OR6P1: variants seen among roughly 807,000 people sequenced by gnomAD.
OR6P1 encodes the protein olfactory receptor family 6 subfamily P member 1.
OR6P1 carries 5 observed loss-of-function variants against 6.6 expected under a neutral mutation model. That is an observed-to-expected ratio of 0.76 (90% CI 0.40 to 1.60). The LOEUF (loss-of-function observed/expected upper bound fraction) is 1.60, where lower values mean the gene tolerates loss of function less well. Among genes scored for constraint, OR6P1 ranks in the 40% most tolerant of loss-of-function variants. OR6P1 has a pLI of 0.02. For synonymous variants in OR6P1, 177 were observed against 149.6 expected (o/e 1.18, Z -1.33); for missense variants, 451 against 383.0 (o/e 1.18, Z -1.48).
intron 1 of OR6P1, among the ~76,000 whole-genome samples, chr1:158,569,493 C>T (rs1461729063): frequency 6.6e-6 from 1 of 152,172 alleles, no homozygotes; most frequent in Admixed American, 6.5e-5. Context: ...CCTTGAATTC[C>T]TCATTTATCA....
rs1647976694 is a variant in OR6P1 at position 158,562,468 on chromosome 1, G to A, written c.*183C>T. 5.2e-6 allele frequency: 3 copies of A among 572,784 alleles called. No homozygotes were observed. In the East Asian group the frequency reaches 8.8e-5, roughly 17 times the overall value. The allele number at this position is 572,784 out of a possible 1,614,324, so 35.5% of individuals were successfully genotyped here. A position where few individuals can be genotyped will look rare whatever the true frequency, so the allele number is the denominator to read the frequency against. On this transcript the variant is annotated 3_prime_UTR_variant, in exon 3 of 3. Transcript: ENST00000641540. Reference sequence around the variant, plus strand: ...TTCTTCTGTAGCTAGTCCAACCTTAGTTTGAAAACCCCTGTAAAAAATAAA... The same window carrying A: ...TTCTTCTGTAGCTAGTCCAACCTTAATTTGAAAACCCCTGTAAAAAATAAA...
At chr1:158,568,433 G>A (rs1303614043) in intron 1 of OR6P1, among the ~76,000 whole-genome samples, 2 of 152,122 alleles carry the variant, frequency 1.3e-5, no homozygotes, top group East Asian at 3.9e-4. Context: ...AATGTTAGCA[G>A]TCACACAGTG....
In OR6P1 at chr1:158,563,415, C is replaced by A. The variant is rs1447203152; in HGVS notation, c.190G>T (p.Gly64Cys). 3 of 1,550,894 alleles carry A rather than the reference C, an allele frequency of 1.9e-6. No individual in the cohort carries two copies. Residue 64 changes from glycine (G) to cysteine (C), a missense_variant, in exon 3 of 3, where the codon GGC becomes TGC. Transcript: ENST00000641540. The part of the protein sequence containing the change: ...SLHRPMYFFL[G>C]HLSFLELWYI... Reference sequence around the variant, plus strand: ...CATAGCTCCAGGAAAGAGAGATGGCCAAGGAAAAAGTACATGGGACGATGA... The same window carrying A: ...CATAGCTCCAGGAAAGAGAGATGGCAAAGGAAAAAGTACATGGGACGATGA...
chr1:158,570,407 A>G (rs1475100177), intron 1 of OR6P1, 35 bp downstream of exon 1: 1 of 152,244 alleles, frequency 6.6e-6, no homozygotes, highest in Non-Finnish European at 1.5e-5. Flanking sequence ...ATTGAAAATC[A>G]TAGGGAATGG....
Position 158,562,729 on chromosome 1 carries a change from C to A in OR6P1, c.876G>T (p.Leu292=). The A allele has an allele frequency of 6.4e-7, 1 of 1,561,640 alleles. No individual in the cohort carries two copies. Reference sequence around the variant, plus strand: ...AGGCCTCCTTCACCTCCTTGTTCCTCAGGCAGTAGATGGCTGGGTTGAAGA... The same window carrying A: ...AGGCCTCCTTCACCTCCTTGTTCCTAAGGCAGTAGATGGCTGGGTTGAAGA... ...VPFFNPAIYC[L]RNKEVKEAFR... is the part of the protein sequence containing the mutation. Residue 292 remains leucine, a synonymous_variant, in exon 3 of 3, where the codon CTG becomes CTT. Transcript: ENST00000641540.
At position 158,562,461 on chromosome 1, in the gene OR6P1, A is replaced by T. The variant is rs1056533406; in HGVS notation, c.*190T>A. ...CAGGTGATTCTTCTGTAGCTAGTCC[A>T]ACCTTAGTTTGAAAACCCCTGTAAA... On this transcript the variant is annotated 3_prime_UTR_variant, in exon 3 of 3. Coordinates refer to ENST00000641540, the MANE Select transcript of OR6P1 (RefSeq NM_001160325.2). 1.9e-4 allele frequency: 110 copies of T among 566,978 alleles called. No homozygotes were observed. Among genetic ancestry groups the T allele is most frequent in the Middle Eastern group, 4.7e-4 (1 of 2,142 alleles). The allele number at this position is 566,978 out of a possible 1,614,324, so 35.1% of individuals were successfully genotyped here. A position where few individuals can be genotyped will look rare whatever the true frequency, so the allele number is the denominator to read the frequency against.
At position 158,562,931 on chromosome 1, in the gene OR6P1, A is replaced by C; in HGVS notation, c.674T>G (p.Ile225Ser). 1 of 1,551,818 alleles carries C rather than the reference A, an allele frequency of 6.4e-7. No homozygotes were observed. Among genetic ancestry groups the C allele is most frequent in the South Asian group, 1.2e-5 (1 of 84,058 alleles). The change falls in exon 3 of 3, where the codon ATC (isoleucine) becomes AGC (serine). Residue 225 changes from isoleucine (I) to serine (S), a missense_variant. Coordinates refer to ENST00000641540, the MANE Select transcript of OR6P1 (RefSeq NM_001160325.2). ...TCCCCTGGACGTAGGGATCCTCAGG[A>C]TGGCTGCAATGATGGCAGTGTATGA... ...VSSYTAIIAA[I>S]LRIPTSRGRH...
chr1:158,563,403 A>C lies in OR6P1; in HGVS notation c.202T>G (p.Phe68Val), dbSNP rs181558345. The change falls in exon 3 of 3, where the codon TTC (phenylalanine) becomes GTC (valine). Residue 68 changes from phenylalanine (F) to valine (V), a missense_variant. Coordinates refer to ENST00000641540, the MANE Select transcript of OR6P1 (RefSeq NM_001160325.2). The part of the protein sequence containing the change: ...PMYFFLGHLS[F>V]LELWYINVTI... ...ACATTGATGTACCATAGCTCCAGGA[A>C]AGAGAGATGGCCAAGGAAAAAGTAC... The C allele has an allele frequency of 6.4e-7, 1 of 1,551,576 alleles. No individual in the cohort carries two copies. Among genetic ancestry groups the C allele is most frequent in the Non-Finnish European group, 8.7e-7 (1 of 1,146,940 alleles).
chr1:158,562,912 G>A lies in OR6P1; in HGVS notation c.693C>T (p.Ser231=). 1 of 1,551,926 alleles carries A rather than the reference G, an allele frequency of 6.4e-7. No homozygotes were observed. The highest frequency in any genetic ancestry group is 1.2e-5 in the South Asian group (1 of 84,060). The change falls in exon 3 of 3, where the codon TCC becomes TCT. Residue 231 remains serine (S), a synonymous_variant. Coordinates refer to ENST00000641540, the MANE Select transcript of OR6P1 (RefSeq NM_001160325.2). ...IIAAILRIPT[S]RGRHKAFSTC... The stretch of plus-strand genomic sequence containing the variant: ...TGGAAAAGGCTTTGTGGCGTCCCCT[G>A]GACGTAGGGATCCTCAGGATGGCTG...
chr1:158,564,890 G>T (rs1021053220), intron 2 of OR6P1, among the ~76,000 whole-genome samples: 1 of 152,120 alleles, frequency 6.6e-6, no homozygotes, highest in South Asian at 2.1e-4. Context: ...GTGACCTGAC[G>T]TCTCCAGGGA....
chr1:158,564,267 T>A (rs2101716837), intron 2 of OR6P1, among the ~76,000 whole-genome samples: 1 of 152,350 alleles, frequency 6.6e-6, no homozygotes, highest in South Asian at 2.1e-4. Context: ...GCAGTCTTAT[T>A]TCCAGGAGGT....
chr1:158,569,922 T>C (rs78840561), intron 1 of OR6P1, among the ~76,000 whole-genome samples: 3,935 of 152,264 alleles, frequency 0.026, 176 homozygotes, highest in African/African-American at 0.089. Flanking sequence ...CAATAAAGGG[T>C]TTTTGTTTGT....
intron 2 of OR6P1, among the ~76,000 whole-genome samples, chr1:158,565,731 C>T (rs1012768380): frequency 4.6e-5 from 7 of 152,112 alleles, no homozygotes; most frequent in African/African-American, 1.7e-4. Context: ...CAATGAGAAA[C>T]ATTTTAGCAT....
chr1:158,563,395 C>G lies in OR6P1; in HGVS notation c.210G>C (p.Glu70Asp), dbSNP rs1648011460. 6.4e-7 allele frequency: 1 copy of G among 1,551,402 alleles called. No homozygotes were observed. The highest frequency in any genetic ancestry group is 1.4e-5 in the African/African-American group (1 of 72,998). ...GAATGGTGACATTGATGTACCATAG[C>G]TCCAGGAAAGAGAGATGGCCAAGGA... ...YFFLGHLSFL[E>D]LWYINVTIPR... Residue 70 changes from glutamate to aspartate, a missense_variant, in exon 3 of 3, where the codon GAG becomes GAC. Transcript: ENST00000641540.
In OR6P1 at chr1:158,562,558, T is replaced by C; in HGVS notation, c.*93A>G. On this transcript the variant is annotated 3_prime_UTR_variant, in exon 3 of 3. Coordinates refer to ENST00000641540, the MANE Select transcript of OR6P1 (RefSeq NM_001160325.2). ...AATATTTAGAGAAAATGTTGGCAAA[T>C]TATATTTATGTTCCCTTAAAGCCTA... 1 of 717,218 alleles carries C rather than the reference T, an allele frequency of 1.4e-6. No individual in the cohort carries two copies. 44.4% of individuals were successfully genotyped at this position (717,218 alleles called of 1,614,324 possible). A position where few individuals can be genotyped will look rare whatever the true frequency, so the allele number is the denominator to read the frequency against.
In OR6P1 at chr1:158,569,830, G is replaced by A. The variant is rs551603498; in HGVS notation, c.-118+612C>T. Among the ~76,000 whole-genome samples, 4 of 152,230 alleles carry A rather than the reference G, an allele frequency of 2.6e-5. No homozygotes were observed. The East Asian group carries it at 7.7e-4, about 29-fold the overall frequency. Reference sequence around the variant, plus strand: ...TAATCTCGCTATGCAGGTATGGTGGGAAATTTAACCTCTATCCTGTACATC... The same window carrying A: ...TAATCTCGCTATGCAGGTATGGTGGAAAATTTAACCTCTATCCTGTACATC... On this transcript the variant is annotated intron_variant, in intron 1 of 2. Transcript: ENST00000641540.
chr1:158,564,936 G>A (rs1354204130), intron 2 of OR6P1, among the ~76,000 whole-genome samples: 1 of 152,112 alleles, frequency 6.6e-6, no homozygotes, highest in East Asian at 1.9e-4. Flanking sequence ...CTTGAGATTG[G>A]GTGACATGTC....
At chr1:158,567,616 G>A (rs1648130278) in intron 1 of OR6P1, among the ~76,000 whole-genome samples, 1 of 145,002 alleles carries the variant, frequency 6.9e-6, no homozygotes, top group Admixed American at 7.0e-5. Context: ...GACACAGGAA[G>A]GGGAACATCA....
At position 158,562,873 on chromosome 1, in the gene OR6P1, A is replaced by G. The variant is rs1323951406; in HGVS notation, c.732T>C (p.His244=). The G allele has an allele frequency of 8.4e-6, 13 of 1,551,964 alleles. No homozygotes were observed. The African/African-American group carries it at 1.8e-4, about 21-fold the overall frequency. Residue 244 remains histidine, a synonymous_variant, in exon 3 of 3, where the codon CAT becomes CAC. Transcript: ENST00000641540. ...RHKAFSTCAA[H]LAVVVIYYSS... is the part of the protein sequence containing the mutation. ...AGTAGTAGATAACAACCACTGCCAG[A>G]TGAGCGGCACAAGTGGAAAAGGCTT...
Sources: gnomAD v4.1 joint callset for allele counts (sites outside exome capture counted in the v4.1 genomes callset) on GRCh38, gnomAD v4.1.1 for gene constraint, MANE v1.5 for transcripts, NCBI Gene and HGNC (gene_info 2026-07-23, HGNC 2026-07-21) for gene names.